MECOM: variants seen among roughly 807,000 people sequenced by gnomAD.
MECOM encodes MDS1 and EVI1 complex locus, also known as histone-lysine N-methyltransferase MECOM.
In MECOM, 13 loss-of-function variants were observed where a neutral mutation model predicts 116.3. The ratio of observed to expected loss-of-function variants is 0.11; its 90% CI spans 0.07 to 0.18. MECOM has a LOEUF of 0.18. Ranked by LOEUF, MECOM falls within the 10% of genes least tolerant of loss-of-function variation. The probability of loss-of-function intolerance (pLI) is 1.00; values close to 1 mark genes in which losing one functional copy is unlikely to be tolerated. For missense variants in MECOM, 1,299 were observed against 1,509.0 expected, an observed-to-expected ratio of 0.86 and a Z score of 2.31; for synonymous variants, 528 against 535.2, an observed-to-expected ratio of 0.99 and a Z score of 0.19.
intron 2 of MECOM, among the ~76,000 whole-genome samples, chr3:169,377,022 C>A (rs1011460625): frequency 6.6e-5 from 10 of 152,050 alleles, no homozygotes; most frequent in Non-Finnish European, 1.5e-5. Flanking sequence ...GAAATAACAC[C>A]ACACATCTAC....
At chr3:169,490,545 T>A (rs1378335352) in intron 1 of MECOM, among the ~76,000 whole-genome samples, 2 of 152,218 alleles carry the variant, frequency 1.3e-5, no homozygotes, top group Admixed American at 6.5e-5. Context: ...ATCTTTATCA[T>A]CATGGATTAA....
At chr3:169,342,510 C>G (rs1724714461) in intron 2 of MECOM, among the ~76,000 whole-genome samples, 1 of 151,926 alleles carries the variant, frequency 6.6e-6, no homozygotes, top group South Asian at 2.1e-4. Context: ...AAATTTTTAC[C>G]TGATCTTTTG....
At chr3:169,263,011 C>A (rs1464029164) in intron 2 of MECOM, among the ~76,000 whole-genome samples, 5 of 135,920 alleles carry the variant, frequency 3.7e-5, no homozygotes, top group Non-Finnish European at 7.7e-5. Context: ...AACAAGAAAA[C>A]CCATTAATTA....
At chr3:169,194,708 G>A (rs1748181848) in intron 2 of MECOM, among the ~76,000 whole-genome samples, 1 of 152,004 alleles carries the variant, frequency 6.6e-6, no homozygotes, top group Admixed American at 6.6e-5. Flanking sequence ...AAATCACCAG[G>A]AGTCCTAGTG....
intron 1 of MECOM, among the ~76,000 whole-genome samples, chr3:169,610,674 C>T (rs927212689): frequency 1.3e-5 from 2 of 152,132 alleles, no homozygotes; most frequent in Non-Finnish European, 2.9e-5. Context: ...GGAATGCTTC[C>T]CTACATTACT....
At chr3:169,562,701 G>A (rs1306321851) in intron 1 of MECOM, among the ~76,000 whole-genome samples, 2 of 152,102 alleles carry the variant, frequency 1.3e-5, no homozygotes, top group South Asian at 2.1e-4. Context: ...TGCTTGGAAG[G>A]ACTAGTGAAT....
intron 1 of MECOM, among the ~76,000 whole-genome samples, chr3:169,502,399 T>A (rs1754648141): frequency 6.6e-6 from 1 of 152,116 alleles, no homozygotes; most frequent in Admixed American, 6.6e-5. Context: ...TTGACTACTG[T>A]CCCATTTCCA....
At chr3:169,577,360 G>C (rs935520085) in intron 1 of MECOM, among the ~76,000 whole-genome samples, 2 of 152,130 alleles carry the variant, frequency 1.3e-5, no homozygotes, top group African/African-American at 4.8e-5. Flanking sequence ...GCTGCAAGCT[G>C]CTTTATAATT....
intron 2 of MECOM, among the ~76,000 whole-genome samples, chr3:169,302,274 T>C (rs1036310811): frequency 2.0e-5 from 3 of 152,138 alleles, no homozygotes; most frequent in Admixed American, 1.3e-4. Flanking sequence ...AATCAGTGAT[T>C]CAAGGTAGAG....
rs565414888 is a variant in MECOM at position 169,509,516 on chromosome 3, C to G, written c.38-127992G>C. Among the ~76,000 whole-genome samples, 112 of 152,222 alleles carry G rather than the reference C, an allele frequency of 7.4e-4. 2 individuals are homozygous for G. The South Asian group carries it at 0.022, about 31-fold the overall frequency. On this transcript the variant is annotated intron_variant, in intron 1 of 16. Coordinates refer to ENST00000651503, the MANE Select transcript of MECOM (RefSeq NM_004991.4). The stretch of plus-strand genomic sequence containing the variant: ...CTCTGCATTTCCTCCTGCCTCCTCC[C>G]CCATTTCCTCCTGCCCCTGGTAACC...
chr3:169,614,014 G>C (rs1454970021), intron 1 of MECOM, among the ~76,000 whole-genome samples: 24 of 151,892 alleles, frequency 1.6e-4, no homozygotes, highest in Non-Finnish European at 3.1e-4. Flanking sequence ...AAAAACTGAT[G>C]AGCTCACATA....
chr3:169,252,457 A>T (rs2149587111), intron 2 of MECOM, among the ~76,000 whole-genome samples: 1 of 151,562 alleles, frequency 6.6e-6, no homozygotes, highest in South Asian at 2.1e-4. Context: ...AAGTTCTATG[A>T]TAATATAGTA....
intron 2 of MECOM, among the ~76,000 whole-genome samples, chr3:169,173,665 A>G (rs1188189735): frequency 1.3e-5 from 2 of 152,262 alleles, no homozygotes; most frequent in African/African-American, 4.8e-5. Context: ...GTCTTCTCCC[A>G]TTTTATAGCA....
intron 9 of MECOM, among the ~76,000 whole-genome samples, chr3:169,112,268 A>G (rs1186575236): frequency 6.6e-6 from 1 of 152,176 alleles, no homozygotes; most frequent in Non-Finnish European, 1.5e-5. Context: ...TGCAAATAGC[A>G]CTGTGCATTG....
intron 2 of MECOM, among the ~76,000 whole-genome samples, chr3:169,324,183 T>C (rs530352643): frequency 6.6e-6 from 1 of 152,296 alleles, no homozygotes; most frequent in South Asian, 2.1e-4. Context: ...TAGTGCTCTG[T>C]GCTCACACAG....
chr3:169,659,520 A>G (rs1413176032), intron 1 of MECOM, among the ~76,000 whole-genome samples: 1 of 138,928 alleles, frequency 7.2e-6, no homozygotes, highest in Non-Finnish European at 1.5e-5. Context: ...CCAAGTGCCA[A>G]ATGCAATAAA....
chr3:169,411,968 G>A (rs907717494), intron 1 of MECOM, among the ~76,000 whole-genome samples: 11 of 151,984 alleles, frequency 7.2e-5, no homozygotes, highest in Non-Finnish European at 4.4e-5. Context: ...TCCAGCCTGT[G>A]CGAAAGAGCA....
intron 1 of MECOM, among the ~76,000 whole-genome samples, chr3:169,479,728 T>C (rs1051636752): frequency 4.0e-5 from 6 of 150,754 alleles, no homozygotes; most frequent in African/African-American, 1.5e-4. Context: ...TTTGGTGATA[T>C]AACCACTAAA....
chr3:169,628,228 T>C (rs1438404982), intron 1 of MECOM, among the ~76,000 whole-genome samples: 1 of 152,190 alleles, frequency 6.6e-6, no homozygotes, highest in Admixed American at 6.5e-5. Context: ...CTCAAATATC[T>C]TAGCCACATT....
Sources: allele counts gnomAD v4.1 joint callset (sites outside exome capture counted in the v4.1 genomes callset), GRCh38; gene constraint gnomAD v4.1.1; transcripts MANE v1.5; gene names NCBI Gene and HGNC (gene_info 2026-07-23, HGNC 2026-07-21).